The following MTBP variants were observed in gnomAD, a reference collection of about 807,000 sequenced individuals.
MTBP encodes mdm2-binding protein.
A neutral mutation model predicts 117.0 loss-of-function variants in MTBP; 101 were observed. That is an observed-to-expected ratio of 0.86 (90% CI 0.73 to 1.02). The LOEUF is 1.02. Among genes scored for constraint, MTBP ranks in the 50% least tolerant of loss-of-function variants. The pLI, the probability that MTBP is intolerant of heterozygous loss-of-function variation, is 0.00. For missense variants in MTBP, 970 were observed against 1,030.9 expected (o/e 0.94, Z 0.81); for synonymous variants, 350 against 351.5 (o/e 1.00, Z 0.05).
rs139878724 is a variant in MTBP, at chr8:120,506,791, G to A, written c.1813G>A (p.Glu605Lys). 2.7e-5 allele frequency: 44 copies of A among 1,613,414 alleles called. No individual in the cohort carries two copies. The African/African-American group carries it at 4.9e-4, about 18-fold the overall frequency. The change falls in exon 16 of 22, where the codon GAA becomes AAA. Residue 605 changes from glutamate to lysine, a missense_variant. By Grantham distance (56) the Glu-to-Lys change is moderately conservative (BLOSUM62 1). Coordinates refer to ENST00000305949, the MANE Select transcript of MTBP (RefSeq NM_022045.5). ...CTCAATCACATTGTTGGATGCTAAA[G>A]AATTGCTGAAGTACTTTACCTCAGA... The part of the protein sequence containing the change: ...RDSITLLDAK[E>K]LLKYFTSDGL...
intron 11 of MTBP, among the ~76,000 whole-genome samples, chr8:120,484,346 G>A (rs1005433000): frequency 6.6e-6 from 1 of 151,976 alleles, no homozygotes; most frequent in African/African-American, 2.4e-5. Flanking sequence ...TGTCACTCTA[G>A]CTATCTAATT....
chr8:120,463,893 T>C, intron 10 of MTBP, 132 bp downstream of exon 10: 1 of 787,196 alleles, frequency 1.3e-6, no homozygotes, highest in Non-Finnish European at 2.0e-6. Context: ...TAATATAGGA[T>C]AATTTTGGTC....
Position 120,523,283 on chromosome 8 carries a change from T to A in MTBP, c.2677-15T>A. On this transcript the variant is annotated splice_polypyrimidine_tract_variant and intron_variant, in intron 21 of 21. Transcript: ENST00000305949. ...CAAGAGAAATCTTCTGTAATCATATTTTTTCTCCCCCTAGGTGATTGACTG... is the reference window on the plus strand; with the variant it reads ...CAAGAGAAATCTTCTGTAATCATATATTTTCTCCCCCTAGGTGATTGACTG... 1 of 1,520,784 alleles carries A rather than the reference T, an allele frequency of 6.6e-7. No individual in the cohort carries two copies. The highest frequency in any genetic ancestry group is 8.9e-7 in the Non-Finnish European group (1 of 1,120,124). The allele number at this position is 1,520,784 out of a possible 1,614,324, so 94.2% of individuals were successfully genotyped here.
intron 11 of MTBP, among the ~76,000 whole-genome samples, chr8:120,486,866 T>A: frequency 6.6e-6 from 1 of 152,214 alleles, no homozygotes; most frequent in East Asian, 1.9e-4. Context: ...TTCCCAATCC[T>A]AATCTTAGTA....
intron 11 of MTBP, among the ~76,000 whole-genome samples, chr8:120,487,008 T>C (rs1814235872): frequency 6.6e-6 from 1 of 152,164 alleles, no homozygotes; most frequent in Non-Finnish European, 1.5e-5. Context: ...TAAAATAAAC[T>C]TAAGGGAAAT....
At chr8:120,469,334 C>G (rs1813769993) in intron 10 of MTBP, among the ~76,000 whole-genome samples, 1 of 152,170 alleles carries the variant, frequency 6.6e-6, no homozygotes. Context: ...GTATGAGCCA[C>G]CATGCCTGGC....
chr8:120,493,918 T>C (rs1266644470), intron 13 of MTBP, among the ~76,000 whole-genome samples: 2 of 152,168 alleles, frequency 1.3e-5, no homozygotes, highest in African/African-American at 2.4e-5. Flanking sequence ...TCCCAGCAGA[T>C]TGTGCACAAA....
intron 13 of MTBP, among the ~76,000 whole-genome samples, chr8:120,495,702 A>G (rs1373712529): frequency 1.3e-5 from 2 of 151,852 alleles, no homozygotes; most frequent in African/African-American, 4.8e-5. Context: ...CTTCTATGGA[A>G]TTTTTGAAAT....
At chr8:120,484,020 C>T (rs1396686761) in intron 11 of MTBP, among the ~76,000 whole-genome samples, 1 of 151,978 alleles carries the variant, frequency 6.6e-6, no homozygotes, top group Non-Finnish European at 1.5e-5. Context: ...ACTGCAGAGT[C>T]ATTATGGCTA....
At chr8:120,517,027 C>A (rs1303255591) in intron 18 of MTBP, among the ~76,000 whole-genome samples, 1 of 151,856 alleles carries the variant, frequency 6.6e-6, no homozygotes, top group African/African-American at 2.4e-5. Context: ...ATATTTATAG[C>A]CATATTTCTT....
At position 120,488,260 on chromosome 8, in the gene MTBP, C is replaced by G. The variant is rs1454118154; in HGVS notation, c.1267C>G (p.Gln423Glu). The change falls in exon 12 of 22, where the codon CAG (glutamine) becomes GAG (glutamate). Residue 423 changes from glutamine (Q) to glutamate (E), a missense_variant. Transcript: ENST00000305949. ...AGCCACATTGATTCACTCAGCCAAC[C>G]AGATCAATGGCTCATTTGCACTCAA... The part of the protein sequence containing the change: ...CKATLIHSAN[Q>E]INGSFALNLI... 2 of 1,587,948 alleles carry G rather than the reference C, an allele frequency of 1.3e-6. No individual in the cohort carries two copies. The highest frequency in any genetic ancestry group is 1.4e-5 in the African/African-American group (1 of 73,372).
intron 1 of MTBP, 97 bp from the exon 2 acceptor site, chr8:120,446,336 A>AAAGG: frequency 2.7e-6 from 2 of 745,688 alleles, no homozygotes; most frequent in East Asian, 4.9e-5. Flanking sequence ...TTTTATGTAC[A>AAAGG]ACCTACTGGT....
At chr8:120,469,745 A>G (rs1482734645) in intron 10 of MTBP, among the ~76,000 whole-genome samples, 1 of 152,242 alleles carries the variant, frequency 6.6e-6, no homozygotes, top group Non-Finnish European at 1.5e-5. Context: ...AAAGCGAGAA[A>G]TGCTCATTAA....
chr8:120,453,736 A>G (rs1331448964), intron 4 of MTBP, 111 bp from the exon 5 acceptor site: 2 of 453,692 alleles, frequency 4.4e-6, no homozygotes, highest in Non-Finnish European at 7.8e-6. Context: ...TATACATCTA[A>G]CATGTTTAAC....
chr8:120,522,709 A>G lies in MTBP; in HGVS notation c.2666A>G (p.Asn889Ser). 6.2e-7 allele frequency: 1 copy of G among 1,603,846 alleles called. No homozygotes were observed. The highest frequency in any genetic ancestry group is 8.5e-7 in the Non-Finnish European group (1 of 1,173,846). The change falls in exon 21 of 22, where the codon AAT becomes AGT. Residue 889 changes from asparagine (N) to serine (S), a missense_variant. Asn to Ser is a conservative substitution (Grantham distance 46). Transcript: ENST00000305949. ...FEEMKKTANN[N>S]AVQVIDWVLE... ...GAAATGAAGAAAACAGCAAACAACAATGCTGTACAGGTAAAGAAATTATTC... is the reference window on the plus strand; with the variant it reads ...GAAATGAAGAAAACAGCAAACAACAGTGCTGTACAGGTAAAGAAATTATTC...
chr8:120,474,255 T>G (rs910010939), intron 11 of MTBP, among the ~76,000 whole-genome samples: 5 of 151,944 alleles, frequency 3.3e-5, no homozygotes, highest in African/African-American at 1.2e-4. Context: ...AAGCTGACAC[T>G]TAACAGTATT....
intron 15 of MTBP, 56 bp from the exon 16 acceptor site, chr8:120,506,650 G>T (rs1814692165): frequency 3.9e-6 from 5 of 1,278,128 alleles, no homozygotes; most frequent in Non-Finnish European, 3.1e-6. Context: ...TTTGACTCTG[G>T]CTTCTCTCTG....
chr8:120,455,331 A>C, intron 5 of MTBP, 104 bp from the exon 6 acceptor site: 1 of 580,974 alleles, frequency 1.7e-6, no homozygotes, highest in Non-Finnish European at 2.8e-6. Context: ...ATATAAAACT[A>C]ATTTTTCTAA....
chr8:120,497,470 C>T lies in MTBP; in HGVS notation c.1525C>T (p.His509Tyr). 6.2e-7 allele frequency: 1 copy of T among 1,605,162 alleles called. No homozygotes were observed. Among genetic ancestry groups the T allele is most frequent in the Non-Finnish European group, 8.5e-7 (1 of 1,174,448 alleles). ...AAGTCTGTTAGTACTCACAAGGAAACACTTTTTAGATTATTTTGATGCTGT... is the reference window on the plus strand; with the variant it reads ...AAGTCTGTTAGTACTCACAAGGAAATACTTTTTAGATTATTTTGATGCTGT... ...LKSLLVLTRK[H>Y]FLDYFDAVIP... The change falls in exon 14 of 22, where the codon CAC becomes TAC. Residue 509 changes from histidine to tyrosine, a missense_variant. Physicochemically the swap from His to Tyr is moderately conservative, Grantham distance 83 (BLOSUM62 2). Coordinates refer to ENST00000305949, the MANE Select transcript of MTBP (RefSeq NM_022045.5).
Sources: allele counts gnomAD v4.1 joint callset (sites outside exome capture counted in the v4.1 genomes callset), GRCh38; gene constraint gnomAD v4.1.1; transcripts MANE v1.5; gene names NCBI Gene and HGNC (gene_info 2026-07-23, HGNC 2026-07-21).